SPECC1L: variants seen among roughly 807,000 people sequenced by gnomAD.
SPECC1L encodes cytospin-A.
A neutral mutation model predicts 116.8 loss-of-function variants in SPECC1L; 40 were observed. The ratio of observed to expected loss-of-function variants is 0.34; its 90% CI spans 0.27 to 0.45. SPECC1L has a LOEUF of 0.45. Among genes scored for constraint, SPECC1L ranks in the 20% least tolerant of loss-of-function variants. SPECC1L has a pLI of 1.00. For synonymous variants in SPECC1L, 504 were observed against 500.6 expected (o/e 1.01, Z -0.09); for missense variants, 1,110 against 1,373.6 (o/e 0.81, Z 3.03).
At chr22:24,279,532 C>G (rs1014961319) in intron 2 of SPECC1L, among the ~76,000 whole-genome samples, 6 of 151,738 alleles carry the variant, frequency 4.0e-5, no homozygotes, top group African/African-American at 9.7e-5. Flanking sequence ...CTGGCCTTAA[C>G]TTTGAAATGA....
At chr22:24,368,181 A>G (rs1283093453) in intron 13 of SPECC1L, among the ~76,000 whole-genome samples, 2 of 152,210 alleles carry the variant, frequency 1.3e-5, no homozygotes, top group Non-Finnish European at 2.9e-5. Flanking sequence ...TTAAAAAATG[A>G]ATCATATGTA....
At chr22:24,277,692 T>C (rs1160834050) in intron 2 of SPECC1L, among the ~76,000 whole-genome samples, 1 of 152,274 alleles carries the variant, frequency 6.6e-6, no homozygotes, top group Admixed American at 6.5e-5. Context: ...GTCCCTGTTG[T>C]AGCATGTATT....
intron 14 of SPECC1L, among the ~76,000 whole-genome samples, chr22:24,395,017 A>G (rs1421760940): frequency 6.6e-6 from 1 of 152,064 alleles, no homozygotes; most frequent in Non-Finnish European, 1.5e-5. Context: ...TTTTGTAGAT[A>G]GGGTTTCATC....
intron 4 of SPECC1L, among the ~76,000 whole-genome samples, chr22:24,317,346 C>T (rs2040605240): frequency 1.7e-5 from 2 of 114,562 alleles, no homozygotes; most frequent in Non-Finnish European, 3.8e-5. Context: ...GACGGGGCGG[C>T]TGGCCGGGCA....
In SPECC1L at chr22:24,382,097, C is replaced by T. The variant is rs577330157; in HGVS notation, c.3087+12777C>T. Among the ~76,000 whole-genome samples, 16 of 152,148 alleles carry T rather than the reference C, an allele frequency of 1.1e-4. 1 individual carries two copies. In the South Asian group the frequency reaches 3.1e-3, roughly 30 times the overall value. ...AAAGAATATCAGACCAAATCTCTGA[C>T]GAGACTACTGTAAAAACTGTTTAAA... On this transcript the variant is annotated intron_variant, in intron 14 of 16. Coordinates refer to ENST00000314328, the MANE Select transcript of SPECC1L (RefSeq NM_015330.6).
At chr22:24,302,471 G>A (rs2049400513) in intron 3 of SPECC1L, 87 bp downstream of exon 3, 9 of 1,544,886 alleles carry the variant, frequency 5.8e-6, no homozygotes, top group Admixed American at 3.3e-5. Context: ...AGCATTCTTA[G>A]GGGTGTGCCC....
At chr22:24,335,441 G>T (rs545230209) in intron 9 of SPECC1L, among the ~76,000 whole-genome samples, 1 of 152,216 alleles carries the variant, frequency 6.6e-6, no homozygotes, top group South Asian at 2.1e-4. Flanking sequence ...ATCAAGCTGG[G>T]CTTTCTTTCA....
intron 2 of SPECC1L, among the ~76,000 whole-genome samples, chr22:24,281,607 A>G (rs2048943870): frequency 6.6e-6 from 1 of 152,206 alleles, no homozygotes; most frequent in African/African-American, 2.4e-5. Context: ...ATTCATTGCT[A>G]ATATATAAAA....
chr22:24,368,557 A>G (rs567089535), intron 13 of SPECC1L, among the ~76,000 whole-genome samples: 44 of 152,336 alleles, frequency 2.9e-4, no homozygotes, highest in Middle Eastern at 3.4e-3. Flanking sequence ...ATGCCTTAGA[A>G]TCCTGCACCT....
chr22:24,349,719 CAGTTGTTT>C (rs1316377253), intron 11 of SPECC1L, among the ~76,000 whole-genome samples: 4 of 152,152 alleles, frequency 2.6e-5, no homozygotes, highest in Non-Finnish European at 5.9e-5. Context: ...TAGACTTGTT[CAGTTGTTT>C]AGGAAATCCC....
intron 6 of SPECC1L, among the ~76,000 whole-genome samples, chr22:24,327,711 A>G (rs1199084647): frequency 6.6e-6 from 1 of 152,174 alleles, no homozygotes; most frequent in Non-Finnish European, 1.5e-5. Flanking sequence ...TGCTACCATT[A>G]GCTGGCACAT....
chr22:24,333,138 G>A (rs948636333), intron 8 of SPECC1L, among the ~76,000 whole-genome samples: 1 of 152,186 alleles, frequency 6.6e-6, no homozygotes, highest in African/African-American at 2.4e-5. Context: ...TGAGGCAGGA[G>A]AATCACTTGA....
intron 2 of SPECC1L, among the ~76,000 whole-genome samples, chr22:24,294,184 T>G (rs1258661397): frequency 9.2e-6 from 1 of 108,184 alleles, no homozygotes. Flanking sequence ...ACCTTCGAGG[T>G]GTACCTCCTA....
chr22:24,377,374 C>T (rs2146680017), intron 14 of SPECC1L, among the ~76,000 whole-genome samples: 1 of 152,238 alleles, frequency 6.6e-6, no homozygotes, highest in African/African-American at 2.4e-5. Context: ...GTGATCTTCC[C>T]ACCTCAGCCT....
chr22:24,341,154 C>G (rs1172540561), intron 10 of SPECC1L, among the ~76,000 whole-genome samples: 2 of 152,058 alleles, frequency 1.3e-5, no homozygotes, highest in Non-Finnish European at 2.9e-5. Flanking sequence ...GAGAAGGCGA[C>G]TGCTCGAATT....
chr22:24,338,329 A>G, intron 9 of SPECC1L, 57 bp from the exon 10 acceptor site: 1 of 1,540,204 alleles, frequency 6.5e-7, no homozygotes, highest in South Asian at 1.1e-5. Flanking sequence ...AGTGGAGACC[A>G]GTTAAGCTTC....
chr22:24,341,132 T>C (rs562874992), intron 10 of SPECC1L, among the ~76,000 whole-genome samples: 1 of 151,990 alleles, frequency 6.6e-6, no homozygotes, highest in East Asian at 1.9e-4. Flanking sequence ...TAGACACAAA[T>C]CAACATTCAA....
In SPECC1L at chr22:24,340,212, G is replaced by A. The variant is rs576320293; in HGVS notation, c.2652+1735G>A. On this transcript the variant is annotated intron_variant, in intron 10 of 16. Transcript: ENST00000314328. ...TGCCCAGGCTGGAATGAAATGGCAT[G>A]ATTTCGGCTCACTGCAACCTCCACC... Among the ~76,000 whole-genome samples the A allele has an allele frequency of 4.4e-4, 56 of 126,206 alleles. 2 individuals are homozygous for A. The South Asian group carries it at 0.014, about 31-fold the overall frequency. The allele number at this position is 126,206 out of a possible 152,430, so 82.8% of individuals were successfully genotyped here. A position where few individuals can be genotyped will look rare whatever the true frequency, so the allele number is the denominator to read the frequency against.
intron 2 of SPECC1L, among the ~76,000 whole-genome samples, chr22:24,290,006 T>C (rs1443549663): frequency 6.6e-6 from 1 of 152,228 alleles, no homozygotes; most frequent in African/African-American, 2.4e-5. Flanking sequence ...TTTTCTTTCC[T>C]ACTCAGCTTT....
Sources: allele counts gnomAD v4.1 joint callset (sites outside exome capture counted in the v4.1 genomes callset), GRCh38; gene constraint gnomAD v4.1.1; transcripts MANE v1.5; gene names NCBI Gene and HGNC (gene_info 2026-07-23, HGNC 2026-07-21).